Variants in FAM222B observed in about 807,000 individuals in gnomAD.
The protein encoded by FAM222B is family with sequence similarity 222 member B, also known as protein FAM222B.
In FAM222B, 12 loss-of-function variants were observed where a neutral mutation model predicts 38.0. The ratio of observed to expected loss-of-function variants is 0.32; its 90% CI spans 0.20 to 0.51. FAM222B has a LOEUF of 0.51. Among genes scored for constraint, FAM222B ranks in the 20% least tolerant of loss-of-function variants. The pLI is 0.97. For missense variants in FAM222B, 716 were observed against 754.2 expected, an observed-to-expected ratio of 0.95 and a Z score of 0.59; for synonymous variants, 329 against 317.2, an observed-to-expected ratio of 1.04 and a Z score of -0.40.
intron 1 of FAM222B, among the ~76,000 whole-genome samples, chr17:28,854,252 A>C (rs2039207501): frequency 6.6e-6 from 1 of 152,062 alleles, no homozygotes; most frequent in Non-Finnish European, 1.5e-5. Context: ...TCTCTGTTTC[A>C]AGTGTTTGAT....
intron 1 of FAM222B, among the ~76,000 whole-genome samples, chr17:28,812,924 C>A (rs2037853700): frequency 6.9e-6 from 1 of 144,588 alleles, no homozygotes; most frequent in Admixed American, 7.4e-5. Flanking sequence ...CTGCACTGCA[C>A]TGTAACAGTG....
rs2034675036 is a variant in FAM222B at position 28,756,115 on chromosome 17, T to G, written c.*2155A>C. 6.6e-6 allele frequency: 1 copy of G among 152,612 alleles called. No individual in the cohort carries two copies. Among genetic ancestry groups the G allele is most frequent in the African/African-American group, 2.4e-5 (1 of 41,430 alleles). 9.5% of individuals were successfully genotyped at this position (152,612 alleles called of 1,614,324 possible). A position where few individuals can be genotyped will look rare whatever the true frequency, so the allele number is the denominator to read the frequency against. On this transcript the variant is annotated 3_prime_UTR_variant, in exon 3 of 3. Transcript: ENST00000581407. ...TAGAATGGGGAATCCAGGTATTCCC[T>G]AGGGTAGTGTAGGATGGAGACAGGG...
intron 1 of FAM222B, among the ~76,000 whole-genome samples, chr17:28,794,954 G>A (rs2036867518): frequency 6.6e-6 from 1 of 151,962 alleles, no homozygotes; most frequent in Admixed American, 6.6e-5. Flanking sequence ...TTAGACAGGT[G>A]TGGTGGCACG....
chr17:28,761,028 C>T (rs1270073644), intron 2 of FAM222B, among the ~76,000 whole-genome samples: 2 of 152,200 alleles, frequency 1.3e-5, no homozygotes, highest in East Asian at 1.9e-4. Flanking sequence ...TCCTTTCAGT[C>T]CTGAGAGCCA....
chr17:28,762,797 G>A (rs780731833), intron 2 of FAM222B, among the ~76,000 whole-genome samples: 1 of 151,192 alleles, frequency 6.6e-6, no homozygotes, highest in Non-Finnish European at 1.5e-5. Flanking sequence ...AAAATTAGCC[G>A]GGCATGGTGG....
chr17:28,769,607 A>C (rs1398491812), intron 1 of FAM222B, among the ~76,000 whole-genome samples: 1 of 152,186 alleles, frequency 6.6e-6, no homozygotes, highest in Non-Finnish European at 1.5e-5. Flanking sequence ...AATTCTGTTA[A>C]CTGAAAGTCA....
chr17:28,783,811 T>A (rs1254227886), intron 1 of FAM222B, among the ~76,000 whole-genome samples: 1 of 147,998 alleles, frequency 6.8e-6, no homozygotes, highest in Non-Finnish European at 1.5e-5. Flanking sequence ...GCGCCCAGAC[T>A]TTTTTGAGGC....
At position 28,816,321 on chromosome 17, in the gene FAM222B, T is replaced by C. The variant is rs577821435; in HGVS notation, c.-41+26361A>G. On this transcript the variant is annotated intron_variant, in intron 1 of 2. Coordinates refer to ENST00000581407, the MANE Select transcript of FAM222B (RefSeq NM_001077498.3). ...AGCATTAATTTTGTCATTTTTACTA[T>C]GTTAACTTAGTGAAATTACAGATTT... Among the ~76,000 whole-genome samples the C allele has an allele frequency of 1.3e-4, 20 of 152,284 alleles. No homozygotes were observed. The East Asian group carries it at 3.5e-3, about 26-fold the overall frequency.
chr17:28,819,261 C>T (rs1264818475), intron 1 of FAM222B, among the ~76,000 whole-genome samples: 1 of 152,130 alleles, frequency 6.6e-6, no homozygotes, highest in African/African-American at 2.4e-5. Flanking sequence ...TTAAGGAATA[C>T]TAACATCACA....
At chr17:28,853,941 C>CTTT (rs34393247) in intron 1 of FAM222B, among the ~76,000 whole-genome samples, 2 of 119,972 alleles carry the variant, frequency 1.7e-5, no homozygotes, top group East Asian at 2.5e-4. Context: ...ATCTCTGTTT[C>CTTT]TTTTTTTTTT....
intron 1 of FAM222B, among the ~76,000 whole-genome samples, chr17:28,850,094 T>C (rs962167636): frequency 1.3e-5 from 2 of 151,624 alleles, no homozygotes; most frequent in South Asian, 2.1e-4. Context: ...CAAAAAAAAA[T>C]TCCCCCTCCT....
At chr17:28,814,892 G>C (rs2037953699) in intron 1 of FAM222B, among the ~76,000 whole-genome samples, 1 of 150,718 alleles carries the variant, frequency 6.6e-6, no homozygotes, top group Non-Finnish European at 1.5e-5. Flanking sequence ...TCCTGCCTCA[G>C]CTTCCCGAGT....
intron 1 of FAM222B, among the ~76,000 whole-genome samples, chr17:28,791,301 T>G (rs1172647726): frequency 6.6e-6 from 1 of 152,066 alleles, no homozygotes; most frequent in East Asian, 1.9e-4. Flanking sequence ...TTAGCAACTA[T>G]TCTCATTTAT....
At chr17:28,813,635 T>G (rs1026925812) in intron 1 of FAM222B, among the ~76,000 whole-genome samples, 35 of 151,782 alleles carry the variant, frequency 2.3e-4, no homozygotes, top group African/African-American at 8.0e-4. Context: ...CATGCCATTC[T>G]CCTGCCTGAG....
At chr17:28,813,531 T>TG (rs1467678886) in intron 1 of FAM222B, among the ~76,000 whole-genome samples, 2 of 151,874 alleles carry the variant, frequency 1.3e-5, no homozygotes, top group East Asian at 3.9e-4. Context: ...TTTCTTTTTT[T>TG]TTTGTTTTTT....
At chr17:28,762,626 C>CAAAAAAA (rs10618524) in intron 2 of FAM222B, among the ~76,000 whole-genome samples, 7 of 48,152 alleles carry the variant, frequency 1.5e-4, no homozygotes, top group Non-Finnish European at 2.7e-4. Flanking sequence ...GACTCCATCT[C>CAAAAAAA]AAAAAAAAAA....
In FAM222B at chr17:28,794,966, G is replaced by A. The variant is rs144745024; in HGVS notation, c.-40-28259C>T. 7.7e-3 allele frequency among the ~76,000 whole-genome samples: 1,167 copies of A among 151,950 alleles called. 8 individuals carry two copies. The highest frequency in any genetic ancestry group is 0.02 in the Middle Eastern group (6 of 294). On this transcript the variant is annotated intron_variant, in intron 1 of 2. Transcript: ENST00000581407. Reference sequence around the variant, plus strand: ...AAATTAGACAGGTGTGGTGGCACGCGCCTGTAATCCCAGGTACTTGGGAGG... The same window carrying A: ...AAATTAGACAGGTGTGGTGGCACGCACCTGTAATCCCAGGTACTTGGGAGG...
In FAM222B at chr17:28,757,989, C is replaced by A; in HGVS notation, c.*281G>T. Reference sequence around the variant, plus strand: ...AGATTCAAGAAAAGATGGGTGGGAGCTGGCTGGAAATGGCCAAGGTGGAGA... The same window carrying A: ...AGATTCAAGAAAAGATGGGTGGGAGATGGCTGGAAATGGCCAAGGTGGAGA... On this transcript the variant is annotated 3_prime_UTR_variant, in exon 3 of 3. Coordinates refer to ENST00000581407, the MANE Select transcript of FAM222B (RefSeq NM_001077498.3). 3.1e-6 allele frequency: 1 copy of A among 326,656 alleles called. No homozygotes were observed. The highest frequency in any genetic ancestry group is 6.6e-5 in the South Asian group (1 of 15,266). 20.2% of individuals were successfully genotyped at this position (326,656 alleles called of 1,614,324 possible). A position where few individuals can be genotyped will look rare whatever the true frequency, so the allele number is the denominator to read the frequency against.
intron 1 of FAM222B, among the ~76,000 whole-genome samples, chr17:28,789,954 C>T (rs73986753): frequency 0.022 from 3,286 of 152,230 alleles, 107 homozygotes; most frequent in African/African-American, 0.075. Flanking sequence ...CAGAATACAA[C>T]AGTTGTGAAT....
Sources: gnomAD v4.1 joint callset for allele counts (sites outside exome capture counted in the v4.1 genomes callset) on GRCh38, gnomAD v4.1.1 for gene constraint, MANE v1.5 for transcripts, NCBI Gene and HGNC (gene_info 2026-07-23, HGNC 2026-07-21) for gene names.